Variants in TAFA5 observed in about 807,000 individuals in gnomAD.
TAFA5 encodes chemokine-like protein TAFA-5.
In TAFA5, 6 loss-of-function variants were observed where a neutral mutation model predicts 15.3. The ratio of observed to expected loss-of-function variants is 0.39; its 90% CI spans 0.21 to 0.77. TAFA5 has a LOEUF of 0.77. TAFA5 is among the 30% of genes least tolerant of loss of function. The pLI, the probability that TAFA5 is intolerant of heterozygous loss-of-function variation, is 0.41. For synonymous variants in TAFA5, 103 were observed against 80.7 expected, an observed-to-expected ratio of 1.28 and a Z score of -1.48; for missense variants, 161 against 193.1, an observed-to-expected ratio of 0.83 and a Z score of 0.98.
intron 2 of TAFA5, among the ~76,000 whole-genome samples, chr22:48,675,654 C>A (rs1223591089): frequency 6.6e-6 from 1 of 152,256 alleles, no homozygotes; most frequent in African/African-American, 2.4e-5. Context: ...TGCTCTGACA[C>A]CACTGGGTGC....
chr22:48,503,757 G>A (rs747207725), intron 1 of TAFA5, among the ~76,000 whole-genome samples: 4 of 152,212 alleles, frequency 2.6e-5, no homozygotes, highest in Non-Finnish European at 5.9e-5. Flanking sequence ...TTTCGAACAC[G>A]GGAGAAGCTC....
At position 48,603,286 on chromosome 22, in the gene TAFA5, A is replaced by C. The variant is rs1048203580; in HGVS notation, c.113-43311A>C. 2.0e-5 allele frequency among the ~76,000 whole-genome samples: 3 copies of C among 152,340 alleles called. No individual in the cohort carries two copies. In the East Asian group the frequency reaches 5.8e-4, roughly 29 times the overall value. The stretch of plus-strand genomic sequence containing the variant: ...AGTGCCCGGAGGCTGCTCTGCCCAC[A>C]TGGCGTTGCTGGGCCCACCCACTCA... On this transcript the variant is annotated intron_variant, in intron 1 of 3. Transcript: ENST00000402357.
At chr22:48,615,493 T>TG (rs753696928) in intron 1 of TAFA5, among the ~76,000 whole-genome samples, 36 of 152,208 alleles carry the variant, frequency 2.4e-4, no homozygotes, top group Non-Finnish European at 4.1e-4. Flanking sequence ...CTCGCCTTCC[T>TG]GGGGGGCTCC....
chr22:48,591,912 C>T (rs1288279405), intron 1 of TAFA5, among the ~76,000 whole-genome samples: 1 of 152,188 alleles, frequency 6.6e-6, no homozygotes, highest in Non-Finnish European at 1.5e-5. Flanking sequence ...GTCTGTCTCC[C>T]CAGGCAGGTG....
chr22:48,528,576 G>A (rs959589389), intron 1 of TAFA5, among the ~76,000 whole-genome samples: 2 of 152,214 alleles, frequency 1.3e-5, no homozygotes, highest in African/African-American at 4.8e-5. Context: ...CTGAGCCTGT[G>A]CACCTGCCCC....
chr22:48,582,846 A>T (rs1451351010), intron 1 of TAFA5, among the ~76,000 whole-genome samples: 1 of 146,564 alleles, frequency 6.8e-6, no homozygotes, highest in Non-Finnish European at 1.5e-5. Context: ...CACACACAAA[A>T]TACACCACAC....
At chr22:48,501,983 G>A (rs1920954827) in intron 1 of TAFA5, among the ~76,000 whole-genome samples, 1 of 152,214 alleles carries the variant, frequency 6.6e-6, no homozygotes. Context: ...CTGGTCTTCA[G>A]GTTTTGAACT....
intron 3 of TAFA5, among the ~76,000 whole-genome samples, chr22:48,733,523 G>T (rs78087753): frequency 2.0e-5 from 3 of 152,256 alleles, no homozygotes; most frequent in African/African-American, 7.2e-5. Flanking sequence ...TCACATCAGT[G>T]TGTGATATGA....
At chr22:48,667,017 G>A (rs1927639408) in intron 2 of TAFA5, among the ~76,000 whole-genome samples, 1 of 152,134 alleles carries the variant, frequency 6.6e-6, no homozygotes, top group African/African-American at 2.4e-5. Flanking sequence ...TCCTGTCTGG[G>A]GAAGCCCAAA....
intron 2 of TAFA5, among the ~76,000 whole-genome samples, chr22:48,673,043 G>A (rs1339037249): frequency 1.3e-5 from 2 of 152,150 alleles, no homozygotes; most frequent in African/African-American, 2.4e-5. Flanking sequence ...AAGGAATGCT[G>A]CACCAGTGCC....
intron 1 of TAFA5, among the ~76,000 whole-genome samples, chr22:48,529,105 G>A (rs992241165): frequency 3.3e-5 from 5 of 152,166 alleles, no homozygotes; most frequent in Admixed American, 6.5e-5. Flanking sequence ...TTGAGAACTC[G>A]CTCTGGCGCT....
chr22:48,594,755 G>C (rs1246704495), intron 1 of TAFA5, among the ~76,000 whole-genome samples: 1 of 152,252 alleles, frequency 6.6e-6, no homozygotes, highest in Non-Finnish European at 1.5e-5. Context: ...ATTTTTAAGA[G>C]GTGGACAGAT....
chr22:48,637,425 G>A (rs963376578), intron 1 of TAFA5, among the ~76,000 whole-genome samples: 9 of 152,276 alleles, frequency 5.9e-5, no homozygotes, highest in South Asian at 2.1e-4. Flanking sequence ...ACGCCTCCTC[G>A]CCTGTCTGCC....
chr22:48,584,137 AC>A (rs1024402764), intron 1 of TAFA5, among the ~76,000 whole-genome samples: 3 of 136,414 alleles, frequency 2.2e-5, no homozygotes, highest in Admixed American at 7.3e-5. Flanking sequence ...ACATGCACAC[AC>A]CCCCCCACAA....
intron 2 of TAFA5, among the ~76,000 whole-genome samples, chr22:48,651,748 G>A (rs1330860296): frequency 1.3e-5 from 2 of 152,190 alleles, no homozygotes; most frequent in African/African-American, 4.8e-5. Flanking sequence ...GGCACCACGA[G>A]GGGGATCTGT....
At chr22:48,709,276 GGTTT>G (rs1448216963) in intron 3 of TAFA5, among the ~76,000 whole-genome samples, 3 of 152,164 alleles carry the variant, frequency 2.0e-5, no homozygotes, top group Non-Finnish European at 4.4e-5. Flanking sequence ...GCCTGGTCAG[GGTTT>G]GTTTATCTGG....
chr22:48,732,728 A>G (rs190188198), intron 3 of TAFA5, among the ~76,000 whole-genome samples: 1 of 152,360 alleles, frequency 6.6e-6, no homozygotes, highest in African/African-American at 2.4e-5. Context: ...AATGCTCTCA[A>G]ACAGCATCGC....
At position 48,749,880 on chromosome 22, in the gene TAFA5, C is replaced by A; in HGVS notation, c.*33C>A. On this transcript the variant is annotated 3_prime_UTR_variant, in exon 4 of 4. Transcript: ENST00000402357. Reference sequence around the variant, plus strand: ...AGCCCCTGAGGGGCCCCGGGAGTGGCCTTGGCTCCCTGGAGAGCCCACGTC... The same window carrying A: ...AGCCCCTGAGGGGCCCCGGGAGTGGACTTGGCTCCCTGGAGAGCCCACGTC... 1 of 1,550,622 alleles carries A rather than the reference C, an allele frequency of 6.4e-7. No homozygotes were observed. Among genetic ancestry groups the A allele is most frequent in the Non-Finnish European group, 8.7e-7 (1 of 1,145,782 alleles).
chr22:48,702,154 T>G (rs1056387600), intron 2 of TAFA5, among the ~76,000 whole-genome samples: 3 of 152,014 alleles, frequency 2.0e-5, no homozygotes, highest in African/African-American at 7.3e-5. Flanking sequence ...TGTGTGCGTT[T>G]GTGTGTGGAC....
Sources: gnomAD v4.1 joint callset for allele counts (sites outside exome capture counted in the v4.1 genomes callset) on GRCh38, gnomAD v4.1.1 for gene constraint, MANE v1.5 for transcripts, NCBI Gene and HGNC (gene_info 2026-07-23, HGNC 2026-07-21) for gene names.